Variants in RYR2 observed in about 807,000 individuals in gnomAD.
RYR2 encodes ryanodine receptor 2.
In RYR2, 227 loss-of-function variants were observed where a neutral mutation model predicts 601.1. That is an observed-to-expected ratio of 0.38 (90% CI 0.34 to 0.42). RYR2 has a LOEUF of 0.42. Ranked by LOEUF, RYR2 falls within the 10% of genes least tolerant of loss-of-function variation. The pLI is 1.00. For missense variants in RYR2, 4,646 were observed against 6,156.5 expected (o/e 0.75, Z 8.21); for synonymous variants, 2,223 against 2,175.1 (o/e 1.02, Z -0.61).
Position 237,221,295 on chromosome 1 carries a change from A to C in RYR2, c.49-49202A>C, listed in dbSNP as rs552563344. On this transcript the variant is annotated intron_variant, in intron 1 of 104. Transcript: ENST00000366574. ...AAAACATTGATTAGATGAAACACTG[A>C]AACAGCTAAACCTCACTTCCACTTG... 2.1e-3 allele frequency among the ~76,000 whole-genome samples: 315 copies of C among 152,344 alleles called. 1 individual carries two copies. The highest frequency in any genetic ancestry group is 0.01 in the Middle Eastern group (3 of 294).
chr1:237,271,840 C>T (rs1689711828), intron 2 of RYR2, among the ~76,000 whole-genome samples: 1 of 152,064 alleles, frequency 6.6e-6, no homozygotes, highest in African/African-American at 2.4e-5. Flanking sequence ...AATGTGAAAA[C>T]AGTAACCACT....
chr1:237,081,346 A>G (rs1242597078), intron 1 of RYR2, among the ~76,000 whole-genome samples: 1 of 150,940 alleles, frequency 6.6e-6, no homozygotes, highest in East Asian at 1.9e-4. Context: ...ATGTACCTAC[A>G]TTTGCTTTGG....
At position 237,356,089 on chromosome 1, in the gene RYR2, G is replaced by A. The variant is rs149837870; in HGVS notation, c.294+104G>A. 8,174 of 961,170 alleles carry A rather than the reference G, an allele frequency of 8.5e-3. 52 individuals carry two copies. The highest frequency in any genetic ancestry group is 0.011 in the Non-Finnish European group (7,073 of 617,018). 59.5% of individuals were successfully genotyped at this position (961,170 alleles called of 1,614,324 possible). ...CTTCCTAGTGTGGCTTGTACTATTA[G>A]TGTTCAAACTAACTGCTTCGTTGTA... On this transcript the variant is annotated intron_variant, in intron 4 of 104. Transcript: ENST00000366574.
rs561989817 is a variant in RYR2 at position 237,621,038 on chromosome 1, T to C, written c.5917-2727T>C. ...TGGGCCATAAAATAACCTCAAGACA[T>C]TTTTAAAAGTTGAAATCATACACAT... is the stretch of plus-strand genomic sequence containing the variant. On this transcript the variant is annotated intron_variant, in intron 38 of 104. Coordinates refer to ENST00000366574, the MANE Select transcript of RYR2 (RefSeq NM_001035.3). 3.3e-5 allele frequency among the ~76,000 whole-genome samples: 5 copies of C among 152,258 alleles called. No homozygotes were observed. The South Asian group carries it at 6.2e-4, about 19-fold the overall frequency.
At chr1:237,244,325 C>G (rs1686543193) in intron 1 of RYR2, among the ~76,000 whole-genome samples, 3 of 152,210 alleles carry the variant, frequency 2.0e-5, no homozygotes, top group African/African-American at 7.2e-5. Context: ...AAGAAAGTAC[C>G]TGGGCAGATA....
At chr1:237,246,930 A>G (rs1347210068) in intron 1 of RYR2, among the ~76,000 whole-genome samples, 1 of 152,166 alleles carries the variant, frequency 6.6e-6, no homozygotes, top group Non-Finnish European at 1.5e-5. Flanking sequence ...TTGATTGTCA[A>G]TTTTAGTGGA....
At chr1:237,631,727 A>G (rs935083636) in intron 42 of RYR2, among the ~76,000 whole-genome samples, 186 bp downstream of exon 42, 3 of 137,202 alleles carry the variant, frequency 2.2e-5, no homozygotes, top group Non-Finnish European at 4.6e-5. Flanking sequence ...TCCCGGGTTC[A>G]CGCCATTCTC....
intron 44 of RYR2, 69 bp from the exon 45 acceptor site, chr1:237,638,288 G>C (rs1198504060): frequency 1.3e-6 from 2 of 1,596,218 alleles, no homozygotes; most frequent in Non-Finnish European, 1.7e-6. Context: ...GTCATTTATT[G>C]TATCCAATGT....
intron 1 of RYR2, among the ~76,000 whole-genome samples, chr1:237,177,648 T>C (rs927261861): frequency 6.6e-6 from 1 of 152,218 alleles, no homozygotes; most frequent in Non-Finnish European, 1.5e-5. Context: ...TATTCACAAG[T>C]ATACAGCACT....
intron 27 of RYR2, chr1:237,555,106 A>G (rs966699884): frequency 2.6e-5 from 4 of 152,082 alleles, no homozygotes; most frequent in African/African-American, 9.7e-5. Flanking sequence ...GAGAACGTTA[A>G]TGTTCAATCA....
intron 3 of RYR2, chr1:237,333,693 T>C (rs1296587016): frequency 2.2e-6 from 1 of 455,250 alleles, no homozygotes; most frequent in Non-Finnish European, 4.4e-6. Flanking sequence ...GAACTCCAAA[T>C]ATCATCTTTT....
At chr1:237,815,118 A>G (rs1190398801) in intron 100 of RYR2, among the ~76,000 whole-genome samples, 1 of 151,964 alleles carries the variant, frequency 6.6e-6, no homozygotes, top group Non-Finnish European at 1.5e-5. Flanking sequence ...CACAGACTAT[A>G]ACATCTTGGA....
At chr1:237,311,961 A>G (rs1050386638) in intron 2 of RYR2, among the ~76,000 whole-genome samples, 1 of 152,230 alleles carries the variant, frequency 6.6e-6, no homozygotes, top group Non-Finnish European at 1.5e-5. Flanking sequence ...ACATGTGGAC[A>G]ACATTGCTGA....
chr1:237,740,463 C>A (rs1475409671), intron 79 of RYR2, among the ~76,000 whole-genome samples: 2 of 151,966 alleles, frequency 1.3e-5, no homozygotes, highest in Non-Finnish European at 2.9e-5. Flanking sequence ...TTTCAAAATA[C>A]TTTTTTATTA....
intron 16 of RYR2, among the ~76,000 whole-genome samples, chr1:237,463,830 G>C (rs946345534): frequency 2.6e-5 from 4 of 152,132 alleles, no homozygotes; most frequent in African/African-American, 9.7e-5. Context: ...GGTGCTCTGA[G>C]ACATCTCATA....
At chr1:237,760,623 T>A (rs6690602) in intron 83 of RYR2, among the ~76,000 whole-genome samples, 1 of 151,854 alleles carries the variant, frequency 6.6e-6, no homozygotes, top group South Asian at 2.1e-4. Flanking sequence ...TGACACACAT[T>A]TAATGTAAGA....
At chr1:237,647,902 T>C (rs1682341905) in intron 48 of RYR2, among the ~76,000 whole-genome samples, 1 of 152,222 alleles carries the variant, frequency 6.6e-6, no homozygotes, top group Non-Finnish European at 1.5e-5. Context: ...GAGAAAGCAA[T>C]ATGACCCTTA....
At chr1:237,183,643 C>T (rs137917132) in intron 1 of RYR2, among the ~76,000 whole-genome samples, 20 of 152,268 alleles carry the variant, frequency 1.3e-4, no homozygotes, top group African/African-American at 4.8e-4. Context: ...TTGGGGGACT[C>T]TTTGGAGATA....
At chr1:237,679,891 AGT>A (rs1573488865) in intron 61 of RYR2, among the ~76,000 whole-genome samples, 1 of 152,180 alleles carries the variant, frequency 6.6e-6, no homozygotes, top group African/African-American at 2.4e-5. Context: ...GAGTGGACAG[AGT>A]GAGGAGGAGG....
Sources: allele counts gnomAD v4.1 joint callset (sites outside exome capture counted in the v4.1 genomes callset), GRCh38; gene constraint gnomAD v4.1.1; transcripts MANE v1.5; gene names NCBI Gene and HGNC (gene_info 2026-07-23, HGNC 2026-07-21).